The following FRAS1 variants were observed in gnomAD, a reference collection of about 807,000 sequenced individuals.
The protein encoded by FRAS1 is Fraser extracellular matrix complex subunit 1, also known as extracellular matrix organizing protein FRAS1.
FRAS1 carries 290 observed loss-of-function variants against 435.2 expected under a neutral mutation model. That is an observed-to-expected ratio of 0.67 (90% CI 0.61 to 0.73). The LOEUF (loss-of-function observed/expected upper bound fraction) is 0.73. Ranked by LOEUF, FRAS1 falls within the 30% of genes least tolerant of loss-of-function variation. The pLI is 0.00. For synonymous variants in FRAS1, 1,800 were observed against 1,851.0 expected (o/e 0.97, Z 0.71); for missense variants, 4,860 against 5,001.5 (o/e 0.97, Z 0.85).
chr4:78,140,454 G>T (rs570594457), intron 2 of FRAS1, among the ~76,000 whole-genome samples: 1 of 152,002 alleles, frequency 6.6e-6, no homozygotes, highest in Non-Finnish European at 1.5e-5. Context: ...GGAACTTGTT[G>T]TATGACCATG....
chr4:78,319,159 C>T (rs1450310784), intron 18 of FRAS1, among the ~76,000 whole-genome samples, 173 bp downstream of exon 18: 1 of 152,208 alleles, frequency 6.6e-6, no homozygotes, highest in Non-Finnish European at 1.5e-5. Context: ...CAATAGCCTC[C>T]CTCCCTTTGT....
At chr4:78,125,050 T>A (rs1463773742) in intron 2 of FRAS1, among the ~76,000 whole-genome samples, 1 of 152,208 alleles carries the variant, frequency 6.6e-6, no homozygotes, top group African/African-American at 2.4e-5. Context: ...GTGTTTACTC[T>A]TGCTTCTCTA....
At chr4:78,371,463 T>G (rs548582757) in intron 23 of FRAS1, among the ~76,000 whole-genome samples, 44 of 152,272 alleles carry the variant, frequency 2.9e-4, no homozygotes, top group African/African-American at 9.9e-4. Flanking sequence ...CAGCAAACAT[T>G]TATTGAGTTG....
At chr4:78,432,756 G>T (rs1173632446) in intron 38 of FRAS1, among the ~76,000 whole-genome samples, 152 bp downstream of exon 38, 1 of 152,226 alleles carries the variant, frequency 6.6e-6, no homozygotes, top group African/African-American at 2.4e-5. Flanking sequence ...CTACTGTTAG[G>T]AGTAGTTATG....
At chr4:78,366,388 G>A (rs1433019960) in intron 22 of FRAS1, among the ~76,000 whole-genome samples, 1 of 152,174 alleles carries the variant, frequency 6.6e-6, no homozygotes, top group Admixed American at 6.5e-5. Context: ...CCACTGCTGG[G>A]GAGCTAGAGT....
intron 2 of FRAS1, among the ~76,000 whole-genome samples, chr4:78,192,799 T>G (rs1455023588): frequency 6.6e-6 from 1 of 152,230 alleles, no homozygotes; most frequent in South Asian, 2.1e-4. Flanking sequence ...CTTAGTTACT[T>G]CTTGCCTTCT....
intron 59 of FRAS1, among the ~76,000 whole-genome samples, chr4:78,494,680 A>T (rs993794706): frequency 6.6e-6 from 1 of 152,194 alleles, no homozygotes; most frequent in African/African-American, 2.4e-5. Flanking sequence ...TGGAGGGGAC[A>T]AATATTTATC....
intron 35 of FRAS1, 150 bp from the exon 36 acceptor site, chr4:78,428,944 CA>C: frequency 1.7e-6 from 1 of 599,360 alleles, no homozygotes; most frequent in Non-Finnish European, 2.8e-6. Flanking sequence ...AGCATCTCTT[CA>C]AAGGTTAAAG....
intron 2 of FRAS1, among the ~76,000 whole-genome samples, chr4:78,209,067 C>G (rs1723390545): frequency 6.6e-6 from 1 of 151,968 alleles, no homozygotes; most frequent in Non-Finnish European, 1.5e-5. Context: ...ATTTCTTGAG[C>G]CAGGGAGGTC....
chr4:78,329,451 A>G (rs1729850911), intron 18 of FRAS1, among the ~76,000 whole-genome samples: 1 of 152,234 alleles, frequency 6.6e-6, no homozygotes, highest in Non-Finnish European at 1.5e-5. Flanking sequence ...AGTCACTGCA[A>G]TGGCCACCAC....
chr4:78,147,069 T>C (rs541986762), intron 2 of FRAS1, among the ~76,000 whole-genome samples: 4 of 152,246 alleles, frequency 2.6e-5, no homozygotes, highest in Non-Finnish European at 5.9e-5. Context: ...GCCCCTTTCC[T>C]GGATGTTTTA....
chr4:78,541,614 G>A lies in FRAS1; in HGVS notation c.*490G>A, dbSNP rs1169007672. On this transcript the variant is annotated 3_prime_UTR_variant, in exon 74 of 74. Transcript: ENST00000512123. ...GATTCCATTAAAAATTCTGCTAATCGACACAACACATATATTTGCTCATGA... is the reference window on the plus strand; with the variant it reads ...GATTCCATTAAAAATTCTGCTAATCAACACAACACATATATTTGCTCATGA... 1 of 151,644 alleles carries A rather than the reference G, an allele frequency of 6.6e-6. No homozygotes were observed. The highest frequency in any genetic ancestry group is 2.5e-5 in the African/African-American group (1 of 40,742). 9.4% of individuals were successfully genotyped at this position (151,644 alleles called of 1,614,324 possible). A position where few individuals can be genotyped will look rare whatever the true frequency, so the allele number is the denominator to read the frequency against.
At position 78,297,741 on chromosome 4, in the gene FRAS1, TTAAGCCC is replaced by T. The variant is rs1367539781; in HGVS notation, c.1535-10323_1535-10317del. ...TGCCACAATGTTCACAATATATAAT[TTAAGCCC>T]TGTGTGATCTGAAATGTATCACTAA... On this transcript the variant is annotated intron_variant, in intron 14 of 73. Transcript: ENST00000512123. Among the ~76,000 whole-genome samples, 7 of 152,230 alleles carry T rather than the reference TTAAGCCC, an allele frequency of 4.6e-5. No homozygotes were observed. The East Asian group carries it at 1.4e-3, about 29-fold the overall frequency.
intron 1 of FRAS1, among the ~76,000 whole-genome samples, chr4:78,058,312 C>G (rs1739575584): frequency 6.6e-6 from 1 of 152,112 alleles, no homozygotes; most frequent in Non-Finnish European, 1.5e-5. Context: ...AACGGCCTCC[C>G]TCTCTGCCCT....
chr4:78,343,735 AG>A (rs528559808), intron 20 of FRAS1, among the ~76,000 whole-genome samples: 3 of 152,130 alleles, frequency 2.0e-5, no homozygotes, highest in Non-Finnish European at 2.9e-5. Context: ...ACTGAATAAC[AG>A]GGGGGAAAAC....
Position 78,499,681 on chromosome 4 carries a change from A to G in FRAS1, c.9116-40A>G, listed in dbSNP as rs186081528. 277 of 1,579,056 alleles carry G rather than the reference A, an allele frequency of 1.8e-4. 1 individual carries two copies. Among genetic ancestry groups the G allele is most frequent in the Admixed American group, 5.2e-4 (31 of 59,814 alleles). On this transcript the variant is annotated intron_variant, in intron 60 of 73. Transcript: ENST00000512123. ...CCTGGGAGTCTGAATCCTTTGTGCT[A>G]TTCTAACTGGCTCTTGTTTTCCTAA...
In FRAS1 at chr4:78,457,917, T is replaced by A. The variant is rs181404173; in HGVS notation, c.6763+5563T>A. 1.6e-4 allele frequency among the ~76,000 whole-genome samples: 25 copies of A among 152,350 alleles called. No individual in the cohort carries two copies. The East Asian group carries it at 4.4e-3, about 27-fold the overall frequency. ...CTTTTAAGCTCACTTCTGAAAGTTC[T>A]CAGGGAAGTGGACATTTTGTCCAGA... On this transcript the variant is annotated intron_variant, in intron 47 of 73. Transcript: ENST00000512123.
At position 78,277,299 on chromosome 4, in the gene FRAS1, C is replaced by T. The variant is rs184824687; in HGVS notation, c.982-1356C>T. 5.1e-4 allele frequency among the ~76,000 whole-genome samples: 77 copies of T among 152,304 alleles called. 1 individual carries two copies. The East Asian group carries it at 0.012, about 23-fold the overall frequency. ...ATGCCTTGCCCTGCTTCGGCTCACACTCAGTGGGCTGCATCCACTGTCCTG... is the reference window on the plus strand; with the variant it reads ...ATGCCTTGCCCTGCTTCGGCTCACATTCAGTGGGCTGCATCCACTGTCCTG... On this transcript the variant is annotated intron_variant, in intron 9 of 73. Coordinates refer to ENST00000512123, the MANE Select transcript of FRAS1 (RefSeq NM_025074.7).
intron 61 of FRAS1, among the ~76,000 whole-genome samples, chr4:78,506,493 G>A (rs59048991): frequency 0.69 from 104,828 of 152,126 alleles, 36,708 homozygotes; most frequent in African/African-American, 0.82. Flanking sequence ...ACAGCCTCGC[G>A]GGTTGATCTC....
Sources: allele counts gnomAD v4.1 joint callset (sites outside exome capture counted in the v4.1 genomes callset), GRCh38; gene constraint gnomAD v4.1.1; transcripts MANE v1.5; gene names NCBI Gene and HGNC (gene_info 2026-07-23, HGNC 2026-07-21).